Variants in POLK observed in about 807,000 individuals in gnomAD.
POLK encodes the protein polymerase (DNA directed) kappa.
A neutral mutation model predicts 94.0 loss-of-function variants in POLK; 76 were observed. The ratio of observed to expected loss-of-function variants is 0.81; its 90% CI spans 0.67 to 0.98. POLK has a LOEUF of 0.98. Among genes scored for constraint, POLK ranks in the 50% least tolerant of loss-of-function variants. The pLI is 0.00. For synonymous variants in POLK, 349 were observed against 325.4 expected (o/e 1.07, Z -0.78); for missense variants, 954 against 1,010.1 (o/e 0.94, Z 0.75).
intron 2 of POLK, among the ~76,000 whole-genome samples, chr5:75,548,598 T>C (rs1040958290): frequency 4.0e-5 from 6 of 151,426 alleles, no homozygotes; most frequent in African/African-American, 1.5e-4. Flanking sequence ...ACACAATACA[T>C]GTATTAATAT....
intron 3 of POLK, among the ~76,000 whole-genome samples, chr5:75,560,573 G>T (rs1770918517): frequency 6.6e-6 from 1 of 152,044 alleles, no homozygotes; most frequent in African/African-American, 2.4e-5. Context: ...GAATGTGCAG[G>T]TTTGTTACAT....
chr5:75,594,181 G>C, intron 12 of POLK, 132 bp downstream of exon 12: 1 of 622,180 alleles, frequency 1.6e-6, no homozygotes, highest in South Asian at 2.1e-5. Flanking sequence ...GCGACAGTGG[G>C]AAAGCTGTAT....
chr5:75,511,461 G>C (rs775516701), upstream of POLK: 3 of 1,528,846 alleles, frequency 2.0e-6, no homozygotes, highest in South Asian at 1.2e-5. Context: ...CGCCGTCGCC[G>C]TGACCCCTGC....
At position 75,528,172 on chromosome 5, in the gene POLK, A is replaced by G. The variant is rs536099285; in HGVS notation, c.-14+16258A>G. 2.0e-5 allele frequency among the ~76,000 whole-genome samples: 3 copies of G among 152,338 alleles called. No homozygotes were observed. In the South Asian group the frequency reaches 6.2e-4, roughly 32 times the overall value. On this transcript the variant is annotated intron_variant, in intron 1 of 14. Transcript: ENST00000241436. Reference sequence around the variant, plus strand: ...GGATGAAATCTACTATGTCTAAAATATATAGATGATACATTTATACTCCAT... The same window carrying G: ...GGATGAAATCTACTATGTCTAAAATGTATAGATGATACATTTATACTCCAT...
chr5:75,514,247 C>G (rs542638509), intron 1 of POLK, among the ~76,000 whole-genome samples: 1 of 152,120 alleles, frequency 6.6e-6, no homozygotes, highest in Non-Finnish European at 1.5e-5. Context: ...GGTATTCTGA[C>G]AATAATTATG....
At chr5:75,596,825 C>A (rs756814310) in exon 13 of POLK, 1 of 1,612,386 alleles carries the variant, frequency 6.2e-7, no homozygotes, top group East Asian at 2.2e-5. Context: ...GATAACTCAT[C>A]TAAAGCAGAA....
At chr5:75,511,801 G>A (rs547328339) in exon 1 of POLK, 2 of 1,551,562 alleles carry the variant, frequency 1.3e-6, no homozygotes, top group African/African-American at 1.4e-5. Context: ...AGCAGGAGGA[G>A]CGGAGAAAGG....
intron 3 of POLK, among the ~76,000 whole-genome samples, chr5:75,553,932 G>T (rs1295848656): frequency 6.6e-6 from 1 of 152,152 alleles, no homozygotes; most frequent in African/African-American, 2.4e-5. Flanking sequence ...TTATCATTTA[G>T]AGACCCAGGT....
chr5:75,599,339 G>A (rs1280990865), exon 15 of POLK: 1 of 151,822 alleles, frequency 6.6e-6, no homozygotes, highest in African/African-American at 2.4e-5. Flanking sequence ...TTATATTTTT[G>A]TTTTCTCTCC....
At chr5:75,535,524 C>T (rs1276290770) in intron 1 of POLK, among the ~76,000 whole-genome samples, 1 of 151,260 alleles carries the variant, frequency 6.6e-6, no homozygotes, top group African/African-American at 2.4e-5. Flanking sequence ...ATTTCATGGA[C>T]AATATCCTGA....
chr5:75,602,144 A>G (rs1278482560), downstream of POLK, among the ~76,000 whole-genome samples: 2 of 152,214 alleles, frequency 1.3e-5, no homozygotes, highest in Non-Finnish European at 2.9e-5. Context: ...AATATTGCCA[A>G]CCAAGGAAGC....
chr5:75,574,433 T>C (rs895129636), intron 5 of POLK, among the ~76,000 whole-genome samples: 2 of 152,192 alleles, frequency 1.3e-5, no homozygotes, highest in African/African-American at 2.4e-5. Context: ...ATTGCCAAAC[T>C]GTCATATGTG....
At chr5:75,608,164 T>A in the POLK span, among the ~76,000 whole-genome samples, 3 of 152,192 alleles carry the variant, frequency 2.0e-5, no homozygotes, top group Non-Finnish European at 4.4e-5. Context: ...GGTACTGTTT[T>A]AGCCACTGGA....
chr5:75,590,252 CTT>C (rs1244573249), intron 10 of POLK, 90 bp from the exon 11 acceptor site: 7 of 572,124 alleles, frequency 1.2e-5, no homozygotes, highest in Admixed American at 2.7e-5. Flanking sequence ...AAAAATATAA[CTT>C]AATGCTAGCC....
intron 10 of POLK, among the ~76,000 whole-genome samples, chr5:75,589,424 C>CACACACACACAT (rs1772649116): frequency 1.3e-5 from 2 of 150,704 alleles, no homozygotes; most frequent in Non-Finnish European, 3.0e-5. Flanking sequence ...CACACACACA[C>CACACACACACAT]ACACACACAC....
chr5:75,585,547 C>T (rs1772424465), intron 9 of POLK, among the ~76,000 whole-genome samples: 1 of 152,004 alleles, frequency 6.6e-6, no homozygotes, highest in Non-Finnish European at 1.5e-5. Flanking sequence ...AACCATCATC[C>T]AAAGGCGGAG....
chr5:75,596,350 G>T (rs541607292), exon 13 of POLK: 1 of 1,613,168 alleles, frequency 6.2e-7, no homozygotes, highest in Non-Finnish European at 8.5e-7. Flanking sequence ...AACTGACAAA[G>T]ATAAGTTTGT....
intron 1 of POLK, among the ~76,000 whole-genome samples, chr5:75,522,227 A>C (rs969534737): frequency 6.6e-6 from 1 of 152,216 alleles, no homozygotes; most frequent in Non-Finnish European, 1.5e-5. Context: ...ACTGTGAGTC[A>C]GGGAAATTTT....
intron 10 of POLK, among the ~76,000 whole-genome samples, chr5:75,587,667 TC>T (rs1309646910): frequency 2.0e-5 from 3 of 152,044 alleles, no homozygotes; most frequent in Non-Finnish European, 4.4e-5. Flanking sequence ...ACCCCTGTAA[TC>T]CCAGCATTTT....
Sources: gnomAD v4.1 joint callset for allele counts (sites outside exome capture counted in the v4.1 genomes callset) on GRCh38, gnomAD v4.1.1 for gene constraint, MANE v1.5 for transcripts, NCBI Gene and HGNC (gene_info 2026-07-23, HGNC 2026-07-21) for gene names.